AOPEP: variants seen among roughly 807,000 people sequenced by gnomAD.
AOPEP encodes aminopeptidase O (putative), also known as aminopeptidase O.
A neutral mutation model predicts 98.1 loss-of-function variants in AOPEP; 77 were observed. The observed-to-expected ratio is 0.78, with a 90% CI of 0.65 to 0.95. AOPEP has a LOEUF of 0.95. Ranked by LOEUF, AOPEP falls within the 40% of genes least tolerant of loss-of-function variation. AOPEP has a pLI of 0.00. For synonymous variants in AOPEP, 346 were observed against 365.3 expected, an observed-to-expected ratio of 0.95 and a Z score of 0.60; for missense variants, 1,024 against 1,024.7, an observed-to-expected ratio of 1.00 and a Z score of 0.01.
intron 13 of AOPEP, among the ~76,000 whole-genome samples, chr9:95,058,397 T>G (rs1036465452): frequency 7.2e-5 from 11 of 152,182 alleles, no homozygotes; most frequent in Non-Finnish European, 8.8e-5. Context: ...TCCCTGTAAT[T>G]CTGCAATTTG....
chr9:94,828,403 G>A (rs1241009527), intron 5 of AOPEP, among the ~76,000 whole-genome samples: 1 of 152,168 alleles, frequency 6.6e-6, no homozygotes, highest in African/African-American at 2.4e-5. Flanking sequence ...TTTGTGTAAG[G>A]TGTGAGGAGG....
chr9:94,814,409 G>A (rs1308332061), intron 5 of AOPEP, among the ~76,000 whole-genome samples: 1 of 152,210 alleles, frequency 6.6e-6, no homozygotes, highest in Non-Finnish European at 1.5e-5. Flanking sequence ...TCTGGGCCTT[G>A]GATGGAGAGA....
intron 10 of AOPEP, among the ~76,000 whole-genome samples, chr9:94,969,581 G>A (rs1417740608): frequency 6.6e-6 from 1 of 151,980 alleles, no homozygotes; most frequent in Non-Finnish European, 1.5e-5. Context: ...CTAATTTTTT[G>A]TATTTTTAGT....
intron 2 of AOPEP, among the ~76,000 whole-genome samples, chr9:94,765,880 G>A (rs769251423): frequency 6.6e-6 from 1 of 152,124 alleles, no homozygotes. Flanking sequence ...AATGCTTCTT[G>A]CCTGTATCAT....
chr9:94,728,238 T>TAC (rs1829670464), intron 1 of AOPEP, among the ~76,000 whole-genome samples: 1 of 80,868 alleles, frequency 1.2e-5, no homozygotes, highest in South Asian at 5.3e-4. Flanking sequence ...CGTGCGCGCA[T>TAC]GCACACACAC....
At chr9:94,783,380 C>T (rs892484822) in intron 3 of AOPEP, among the ~76,000 whole-genome samples, 2 of 152,356 alleles carry the variant, frequency 1.3e-5, no homozygotes, top group Admixed American at 1.3e-4. Flanking sequence ...TGACCTGGCA[C>T]ATTGCCCTGG....
intron 5 of AOPEP, among the ~76,000 whole-genome samples, chr9:94,846,832 C>T (rs1384392790): frequency 6.6e-6 from 1 of 152,138 alleles, no homozygotes; most frequent in Non-Finnish European, 1.5e-5. Context: ...ATCACTTCAG[C>T]CCAGAAGGTT....
chr9:94,964,635 C>CTTTTTT (rs1240777817), intron 9 of AOPEP, among the ~76,000 whole-genome samples: 3 of 122,622 alleles, frequency 2.4e-5, no homozygotes, highest in Admixed American at 8.3e-5. Context: ...AGTACTTGGA[C>CTTTTTT]TTTTTTTTTT....
chr9:94,764,942 T>G (rs1169720821), intron 2 of AOPEP, among the ~76,000 whole-genome samples: 1 of 152,194 alleles, frequency 6.6e-6, no homozygotes, highest in African/African-American at 2.4e-5. Flanking sequence ...GGCATGAACT[T>G]GGCTCACCAA....
At chr9:95,124,278 T>C in the AOPEP span, among the ~76,000 whole-genome samples, 4 of 152,112 alleles carry the variant, frequency 2.6e-5, no homozygotes, top group Non-Finnish European at 5.9e-5. Context: ...TGAGATGCAC[T>C]GGACCAGCAC....
intron 5 of AOPEP, among the ~76,000 whole-genome samples, chr9:94,882,948 A>G (rs920392916): frequency 6.6e-6 from 1 of 152,216 alleles, no homozygotes; most frequent in East Asian, 1.9e-4. Flanking sequence ...ACAGTCTCTG[A>G]TTCTTTGGAT....
intron 13 of AOPEP, among the ~76,000 whole-genome samples, chr9:95,008,216 G>A (rs976911784): frequency 5.3e-5 from 8 of 152,140 alleles, no homozygotes; most frequent in African/African-American, 1.9e-4. Flanking sequence ...CTCCAGCCCC[G>A]AAGGGTCTGT....
At chr9:95,060,875 C>A in intron 14 of AOPEP, 65 bp downstream of exon 14, 1 of 993,940 alleles carries the variant, frequency 1.0e-6, no homozygotes, top group South Asian at 1.3e-5. Flanking sequence ...ATGGTGATCC[C>A]ATTGCAGTCC....
chr9:95,141,593 G>T, the AOPEP span, among the ~76,000 whole-genome samples: 4 of 152,042 alleles, frequency 2.6e-5, no homozygotes, highest in South Asian at 8.3e-4. Context: ...ATTTCCAGAG[G>T]TCTCATTTTC....
At chr9:94,801,961 A>G (rs1002852612) in intron 5 of AOPEP, among the ~76,000 whole-genome samples, 13 of 152,284 alleles carry the variant, frequency 8.5e-5, no homozygotes, top group Admixed American at 6.5e-4. Context: ...TGACCAGAAC[A>G]TTTGCTTTTG....
chr9:94,918,095 A>C (rs1305734536), intron 5 of AOPEP, among the ~76,000 whole-genome samples: 1 of 152,186 alleles, frequency 6.6e-6, no homozygotes, highest in Non-Finnish European at 1.5e-5. Flanking sequence ...TAGCAAATAT[A>C]GGTGAGAGGT....
chr9:95,085,815 T>A, intron 16 of AOPEP: 1 of 975,800 alleles, frequency 1.0e-6, no homozygotes, highest in Non-Finnish European at 1.3e-6. Flanking sequence ...ACCAAATGCA[T>A]CACCTAAGTC....
intron 7 of AOPEP, among the ~76,000 whole-genome samples, chr9:94,937,014 T>G (rs1013404076): frequency 2.0e-5 from 3 of 152,132 alleles, no homozygotes; most frequent in Non-Finnish European, 2.9e-5. Context: ...TCTCCTAACT[T>G]TGGGGGGTTT....
chr9:94,756,442 T>G (rs942923321), intron 1 of AOPEP, among the ~76,000 whole-genome samples: 24 of 152,202 alleles, frequency 1.6e-4, no homozygotes, highest in African/African-American at 5.3e-4. Flanking sequence ...CATGCACCTA[T>G]GGTCCCAGCT....
Sources: gnomAD v4.1 joint callset for allele counts (sites outside exome capture counted in the v4.1 genomes callset) on GRCh38, gnomAD v4.1.1 for gene constraint, MANE v1.5 for transcripts, NCBI Gene and HGNC (gene_info 2026-07-23, HGNC 2026-07-21) for gene names.